The following FAM3D variants were observed in gnomAD, a reference collection of about 807,000 sequenced individuals.
FAM3D encodes the protein FAM3 metabolism regulating signaling molecule D.
Under a neutral mutation model 29.8 loss-of-function variants are expected in FAM3D, and 26 were observed. The ratio of observed to expected loss-of-function variants is 0.87; its 90% CI spans 0.64 to 1.21. The LOEUF (loss-of-function observed/expected upper bound fraction) is 1.21. Among genes scored for constraint, FAM3D ranks in the 50% most tolerant of loss-of-function variants. The pLI is 0.00. For missense variants in FAM3D, 253 were observed against 290.9 expected (o/e 0.87, Z 0.95); for synonymous variants, 115 against 102.3 (o/e 1.12, Z -0.75).
At chr3:58,652,978 G>A (rs116166311) in intron 3 of FAM3D, among the ~76,000 whole-genome samples, 4,212 of 138,796 alleles carry the variant, frequency 0.03, 96 homozygotes, top group South Asian at 0.082. Context: ...CCATCCATCC[G>A]TTTTTTTTTT....
intron 3 of FAM3D, among the ~76,000 whole-genome samples, chr3:58,652,091 G>T (rs1409482429): frequency 1.3e-5 from 2 of 152,170 alleles, no homozygotes; most frequent in Non-Finnish European, 1.5e-5. Context: ...TGAATCCAGA[G>T]ATATAAATCC....
At position 58,635,913 on chromosome 3, in the gene FAM3D, G is replaced by T. The variant is rs2066152435; in HGVS notation, c.585+381C>A. Among the ~76,000 whole-genome samples, 1 of 152,134 alleles carries T rather than the reference G, an allele frequency of 6.6e-6. No homozygotes were observed. Among genetic ancestry groups the T allele is most frequent in the African/African-American group, 2.4e-5 (1 of 41,414 alleles). ...GTTTTCTCCATGCCTCGCCAGGGAG[G>T]CTGAAGGGATGGGGACAGGCATCCT... On this transcript the variant is annotated intron_variant, in intron 9 of 9. Transcript: ENST00000358781. The surrounding 1 kb of genome is among the most constrained non-coding windows in gnomAD (Gnocchi z 5.2).
intron 7 of FAM3D, among the ~76,000 whole-genome samples, chr3:58,638,915 G>A (rs1039514622): frequency 6.6e-5 from 10 of 152,208 alleles, no homozygotes; most frequent in Admixed American, 2.0e-4. Flanking sequence ...AGATATTACG[G>A]TCTGGTGCTT....
intron 1 of FAM3D, among the ~76,000 whole-genome samples, chr3:58,661,313 G>A (rs886093286): frequency 3.3e-5 from 5 of 152,108 alleles, no homozygotes; most frequent in African/African-American, 1.2e-4. Context: ...CCTCCCATGG[G>A]ATAAGAGTGA....
chr3:58,649,033 G>T (rs1009146846), intron 4 of FAM3D, among the ~76,000 whole-genome samples: 1 of 152,148 alleles, frequency 6.6e-6, no homozygotes, highest in Non-Finnish European at 1.5e-5. Flanking sequence ...GCAGGGTTCG[G>T]TCCAGACTGC....
intron 4 of FAM3D, among the ~76,000 whole-genome samples, chr3:58,648,319 A>C (rs987127856): frequency 2.0e-5 from 3 of 152,172 alleles, no homozygotes; most frequent in Admixed American, 6.5e-5. Context: ...CTTCTTAGCC[A>C]GGCAAAATCC....
In FAM3D at chr3:58,653,800, C is replaced by T. The variant is rs1388176443; in HGVS notation, c.14-19G>A. 3 of 1,599,682 alleles carry T rather than the reference C, an allele frequency of 1.9e-6. No homozygotes were observed. The highest frequency in any genetic ancestry group is 4.5e-5 in the East Asian group (2 of 44,828). ...AGCACACCTGCTGAGCAAGGGGATG[C>T]TGCCAGGAGACCACAGAGCCAAGAC... On this transcript the variant is annotated intron_variant, in intron 2 of 9. Coordinates refer to ENST00000358781, the MANE Select transcript of FAM3D (RefSeq NM_138805.3).
At chr3:58,645,484 A>T (rs2066449576) in intron 5 of FAM3D, 25 bp downstream of exon 5, 2 of 1,502,848 alleles carry the variant, frequency 1.3e-6, no homozygotes, top group South Asian at 2.6e-5. Context: ...AATAAAATAA[A>T]CATAGTTGTG....
intron 1 of FAM3D, among the ~76,000 whole-genome samples, chr3:58,657,056 G>A (rs1040829456): frequency 7.9e-5 from 12 of 152,134 alleles, no homozygotes; most frequent in African/African-American, 2.9e-4. Context: ...CAGAAAAATT[G>A]TGGAACTTTA....
chr3:58,634,093 C>T lies in FAM3D; in HGVS notation c.*186G>A. 2 of 551,884 alleles carry T rather than the reference C, an allele frequency of 3.6e-6. No homozygotes were observed. Among genetic ancestry groups the T allele is most frequent in the Non-Finnish European group, 6.4e-6 (2 of 313,724 alleles). The allele number at this position is 551,884 out of a possible 1,614,324, so 34.2% of individuals were successfully genotyped here. A position where few individuals can be genotyped will look rare whatever the true frequency, so the allele number is the denominator to read the frequency against. Reference sequence around the variant, plus strand: ...AGAAGGACCCTCTGAGGCTGGTCTTCCGGGTAGGATGTGCTGTGGGAGGGT... The same window carrying T: ...AGAAGGACCCTCTGAGGCTGGTCTTTCGGGTAGGATGTGCTGTGGGAGGGT... On this transcript the variant is annotated 3_prime_UTR_variant, in exon 10 of 10. Coordinates refer to ENST00000358781, the MANE Select transcript of FAM3D (RefSeq NM_138805.3). The surrounding 1 kb of genome is among the most constrained non-coding windows in gnomAD (Gnocchi z 4.6).
intron 9 of FAM3D, among the ~76,000 whole-genome samples, chr3:58,636,083 C>T (rs1294253862): frequency 6.6e-6 from 1 of 152,234 alleles, no homozygotes; most frequent in Non-Finnish European, 1.5e-5. Context: ...ACCTGCGTAT[C>T]TATATATGAC....
intron 4 of FAM3D, among the ~76,000 whole-genome samples, chr3:58,647,369 C>T (rs2066511311): frequency 6.6e-6 from 1 of 152,184 alleles, no homozygotes; most frequent in African/African-American, 2.4e-5. Context: ...AGGGGCCCAG[C>T]CCCCACCTAT....
Position 58,634,310 on chromosome 3 carries a change from A to T in FAM3D, c.644T>A (p.Met215Lys). 1 of 1,614,112 alleles carries T rather than the reference A, an allele frequency of 6.2e-7. No individual in the cohort carries two copies. ...TGGCTTCGGGGGCATGCAGCCCTCC[A>T]TCTCCAGCAGCTCTGGCCATCCCTC... ...KYEGWPELLE[M>K]EGCMPPKPF Residue 215 changes from methionine to lysine, a missense_variant, in exon 10 of 10, where the codon ATG (methionine) becomes AAG (lysine). Met to Lys is a moderately conservative substitution (Grantham distance 95, BLOSUM62 -1). Coordinates refer to ENST00000358781, the MANE Select transcript of FAM3D (RefSeq NM_138805.3). This position sits in a 1 kb window ranked among gnomAD's most constrained non-coding sequence, Gnocchi z 4.6.
intron 3 of FAM3D, among the ~76,000 whole-genome samples, chr3:58,650,820 C>G (rs1322582024): frequency 6.6e-6 from 1 of 152,168 alleles, no homozygotes; most frequent in East Asian, 1.9e-4. Context: ...CGGGTTCACG[C>G]CATTCTCCTG....
At chr3:58,644,039 C>T (rs947756990) in intron 5 of FAM3D, among the ~76,000 whole-genome samples, 2 of 152,168 alleles carry the variant, frequency 1.3e-5, no homozygotes, top group African/African-American at 4.8e-5. Flanking sequence ...GAGGCAGGAC[C>T]CAGAAGGTTG....
chr3:58,652,886 A>C (rs914177187), intron 3 of FAM3D, among the ~76,000 whole-genome samples: 2 of 147,790 alleles, frequency 1.4e-5, no homozygotes, highest in Non-Finnish European at 3.0e-5. Flanking sequence ...CCATCCATCC[A>C]TCCATCCATC....
chr3:58,634,251 C>A lies in FAM3D; in HGVS notation c.*28G>T. On this transcript the variant is annotated 3_prime_UTR_variant, in exon 10 of 10. Coordinates refer to ENST00000358781, the MANE Select transcript of FAM3D (RefSeq NM_138805.3). This position sits in a 1 kb window ranked among gnomAD's most constrained non-coding sequence, Gnocchi z 4.6. ...AAGTCAGGCAGGAGCTTCTTCAGGC[C>A]CCTGGCTGAGGAAGAGCCACAGCCA... 1 of 1,605,236 alleles carries A rather than the reference C, an allele frequency of 6.2e-7. No individual in the cohort carries two copies. Among genetic ancestry groups the A allele is most frequent in the African/African-American group, 1.3e-5 (1 of 74,812 alleles).
intron 4 of FAM3D, among the ~76,000 whole-genome samples, chr3:58,647,109 C>A (rs747397125): frequency 6.6e-6 from 1 of 152,228 alleles, no homozygotes; most frequent in Non-Finnish European, 1.5e-5. Flanking sequence ...ACTGAGCAGG[C>A]AACCCTGGGA....
At chr3:58,651,570 A>T (rs1376803434) in intron 3 of FAM3D, among the ~76,000 whole-genome samples, 1 of 152,230 alleles carries the variant, frequency 6.6e-6, no homozygotes, top group African/African-American at 2.4e-5. Context: ...CTGGGGCCAA[A>T]CACAGAGTTC....
Sources: allele counts gnomAD v4.1 joint callset (sites outside exome capture counted in the v4.1 genomes callset), GRCh38; gene constraint gnomAD v4.1.1; non-coding constraint Gnocchi (gnomAD v3.1); transcripts MANE v1.5; gene names NCBI Gene and HGNC (gene_info 2026-07-23, HGNC 2026-07-21).